ALDH9A1: variants seen among roughly 807,000 people sequenced by gnomAD.
ALDH9A1 encodes the protein aldehyde dehydrogenase 9 family member A1, also known as 4-trimethylaminobutyraldehyde dehydrogenase.
In ALDH9A1, 42 loss-of-function variants were observed where a neutral mutation model predicts 56.6. The observed-to-expected ratio is 0.74, with a 90% confidence interval of 0.58 to 0.96. The LOEUF is 0.96. ALDH9A1 is among the 40% of genes least tolerant of loss of function. The pLI, the probability that ALDH9A1 is intolerant of heterozygous loss-of-function variation, is 0.00. For missense variants in ALDH9A1, 661 were observed against 651.5 expected, an observed-to-expected ratio of 1.01 and a Z score of -0.16; for synonymous variants, 242 against 236.0, an observed-to-expected ratio of 1.03 and a Z score of -0.23.
intron 2 of ALDH9A1, among the ~76,000 whole-genome samples, chr1:165,684,454 T>C (rs1649648221): frequency 6.6e-6 from 1 of 152,210 alleles, no homozygotes; most frequent in Admixed American, 6.5e-5. Flanking sequence ...ACAATTAACT[T>C]GTTTCCCAGT....
chr1:165,686,342 G>T (rs1242341107), intron 2 of ALDH9A1, among the ~76,000 whole-genome samples: 1 of 151,936 alleles, frequency 6.6e-6, no homozygotes, highest in African/African-American at 2.4e-5. Flanking sequence ...GAGAAGATAG[G>T]GTGGGAGTTT....
rs371623198 is a variant in ALDH9A1, at chr1:165,662,735, G to C, written c.*315C>G. ...GCCAGAGAATTAACATTATCAGTGG[G>C]CCAAATGTGTGGAAGATGTATTATC... is the stretch of plus-strand genomic sequence containing the variant. On this transcript the variant is annotated 3_prime_UTR_variant, in exon 11 of 11. Transcript: ENST00000354775. The C allele has an allele frequency of 7.7e-6, 2 of 258,958 alleles. No homozygotes were observed. Among genetic ancestry groups the C allele is most frequent in the African/African-American group, 4.5e-5 (2 of 44,636 alleles). 16.0% of individuals were successfully genotyped at this position (258,958 alleles called of 1,614,324 possible). A position where few individuals can be genotyped will look rare whatever the true frequency, so the allele number is the denominator to read the frequency against.
intron 1 of ALDH9A1, among the ~76,000 whole-genome samples, chr1:165,695,769 T>G (rs892355942): frequency 1.3e-5 from 2 of 152,158 alleles, no homozygotes; most frequent in African/African-American, 4.8e-5. Context: ...GTGCCGGAAT[T>G]ACAGGCGTGG....
At chr1:165,686,039 A>G (rs1316403926) in intron 2 of ALDH9A1, among the ~76,000 whole-genome samples, 3 of 152,208 alleles carry the variant, frequency 2.0e-5, no homozygotes, top group Admixed American at 1.3e-4. Flanking sequence ...CAAAGTAAAA[A>G]TGAGAAAATA....
At chr1:165,680,409 C>G (rs1649508277) in intron 5 of ALDH9A1, 78 bp downstream of exon 5, 2 of 1,483,914 alleles carry the variant, frequency 1.3e-6, no homozygotes, top group African/African-American at 2.9e-5. Context: ...GAGAAGCCTC[C>G]AAAATATACT....
chr1:165,694,704 C>A (rs941536963), intron 2 of ALDH9A1, among the ~76,000 whole-genome samples: 6 of 152,122 alleles, frequency 3.9e-5, no homozygotes, highest in Non-Finnish European at 8.8e-5. Context: ...CGCCTGTAAT[C>A]CCAGCATTTT....
At chr1:165,664,943 AT>A (rs1354736499) in intron 10 of ALDH9A1, 74 bp downstream of exon 10, 51 of 1,166,500 alleles carry the variant, frequency 4.4e-5, no homozygotes, top group Non-Finnish European at 6.3e-5. Context: ...AGGTTTAGGA[AT>A]ACTGGTTTAT....
Position 165,680,655 on chromosome 1 carries a change from G to A in ALDH9A1, c.621C>T (p.Pro207=), listed in dbSNP as rs756387768. Residue 207 remains proline, a synonymous_variant, in exon 5 of 11, where the codon CCC becomes CCT. Coordinates refer to ENST00000354775, the MANE Select transcript of ALDH9A1 (RefSeq NM_000696.4). ...GTAGCAATGCAGAAACAGGTGTAAA[G>A]GGAGAAGGTTTAAAGACCATGGCAT... is the stretch of plus-strand genomic sequence containing the variant. ...CGNAMVFKPS[P]FTPVSALLLA... 6.2e-7 allele frequency: 1 copy of A among 1,613,360 alleles called. No individual in the cohort carries two copies. The highest frequency in any genetic ancestry group is 8.5e-7 in the Non-Finnish European group (1 of 1,179,734).
rs182425385 is a variant in ALDH9A1, at chr1:165,670,207, C to T, written c.931-757G>A. ...CAGCACTTTGGGAGGACAAGGTGGGCGGATCACTTGAGCTCAGGAGTCCAA... is the reference window on the plus strand; with the variant it reads ...CAGCACTTTGGGAGGACAAGGTGGGTGGATCACTTGAGCTCAGGAGTCCAA... On this transcript the variant is annotated intron_variant, in intron 6 of 10. Transcript: ENST00000354775. Among the ~76,000 whole-genome samples, 260 of 152,034 alleles carry T rather than the reference C, an allele frequency of 1.7e-3. 1 individual carries two copies. The highest frequency in any genetic ancestry group is 6.1e-3 in the African/African-American group (254 of 41,472).
chr1:165,677,207 T>C (rs1649391388), intron 6 of ALDH9A1, among the ~76,000 whole-genome samples: 1 of 151,876 alleles, frequency 6.6e-6, no homozygotes, highest in Non-Finnish European at 1.5e-5. Context: ...ACCCCGTCTC[T>C]ACAAAAAATA....
At chr1:165,696,807 T>C (rs1414474706) in intron 1 of ALDH9A1, among the ~76,000 whole-genome samples, 5 of 152,238 alleles carry the variant, frequency 3.3e-5, no homozygotes, top group African/African-American at 1.2e-4. Flanking sequence ...AATAGCCAGC[T>C]GGTAAAGGCG....
chr1:165,666,483 G>A (rs542299596), intron 9 of ALDH9A1, among the ~76,000 whole-genome samples: 3 of 152,184 alleles, frequency 2.0e-5, no homozygotes, highest in Non-Finnish European at 4.4e-5. Flanking sequence ...GACTTTGTCT[G>A]TACGAGGGTG....
chr1:165,673,358 TA>T (rs1649244901), intron 6 of ALDH9A1, among the ~76,000 whole-genome samples: 1 of 152,196 alleles, frequency 6.6e-6, no homozygotes, highest in Non-Finnish European at 1.5e-5. Context: ...GGTGAGAATA[TA>T]AATTAGTATA....
chr1:165,693,013 T>G (rs893023086), intron 2 of ALDH9A1, among the ~76,000 whole-genome samples: 1 of 151,832 alleles, frequency 6.6e-6, no homozygotes, highest in Non-Finnish European at 1.5e-5. Flanking sequence ...GCTAGCCATA[T>G]GTAGAAAGCT....
intron 9 of ALDH9A1, 50 bp from the exon 10 acceptor site, chr1:165,665,180 T>A: frequency 3.4e-6 from 5 of 1,463,238 alleles, no homozygotes; most frequent in Non-Finnish European, 4.8e-6. Flanking sequence ...CTTAGGCTAC[T>A]ACTTTAACAG....
chr1:165,673,118 A>AC (rs1393281776), intron 6 of ALDH9A1, among the ~76,000 whole-genome samples: 2 of 151,414 alleles, frequency 1.3e-5, no homozygotes, highest in African/African-American at 4.9e-5. Context: ...AAAAAAAAAA[A>AC]ACCTCTGATT....
At chr1:165,663,488 T>G (rs1648906190) in intron 10 of ALDH9A1, among the ~76,000 whole-genome samples, 1 of 152,238 alleles carries the variant, frequency 6.6e-6, no homozygotes, top group Non-Finnish European at 1.5e-5. Flanking sequence ...CCTGACACCC[T>G]TGAAAGCTGA....
In ALDH9A1 at chr1:165,680,469, T is replaced by C. The variant is rs1438693642; in HGVS notation, c.789+18A>G. The C allele has an allele frequency of 6.2e-7, 1 of 1,612,862 alleles. No individual in the cohort carries two copies. The highest frequency in any genetic ancestry group is 1.3e-5 in the African/African-American group (1 of 74,848). Reference sequence around the variant, plus strand: ...TCCAAATGCCATGTGTGTTGACCAATACTGGTTTTGTCCTCACCTTCATGC... The same window carrying C: ...TCCAAATGCCATGTGTGTTGACCAACACTGGTTTTGTCCTCACCTTCATGC... On this transcript the variant is annotated intron_variant, in intron 5 of 10. Coordinates refer to ENST00000354775, the MANE Select transcript of ALDH9A1 (RefSeq NM_000696.4).
intron 9 of ALDH9A1, 110 bp from the exon 10 acceptor site, chr1:165,665,240 A>G: frequency 1.2e-6 from 1 of 834,578 alleles, no homozygotes; most frequent in Non-Finnish European, 1.9e-6. Flanking sequence ...CTAAATTCTC[A>G]TTTCTTCAAA....
Sources: allele counts gnomAD v4.1 joint callset (sites outside exome capture counted in the v4.1 genomes callset), GRCh38; gene constraint gnomAD v4.1.1; transcripts MANE v1.5; gene names NCBI Gene and HGNC (gene_info 2026-07-23, HGNC 2026-07-21).